Variants in EXO1 observed in about 807,000 individuals in gnomAD.
EXO1 encodes the protein exonuclease 1.
EXO1 carries 69 observed loss-of-function variants against 84.5 expected under a neutral mutation model. The ratio of observed to expected loss-of-function variants is 0.82; its 90% CI spans 0.67 to 1.00. EXO1 has a LOEUF of 1.00. Ranked by LOEUF, EXO1 falls within the 50% of genes least tolerant of loss-of-function variation. The probability of loss-of-function intolerance (pLI) is 0.00; values close to 1 mark genes in which losing one functional copy is unlikely to be tolerated. For missense variants in EXO1, 1,045 were observed against 1,000.7 expected (o/e 1.04, Z -0.60); for synonymous variants, 373 against 366.1 (o/e 1.02, Z -0.21).
chr1:241,855,731 A>C (rs1306139282), intron 6 of EXO1, among the ~76,000 whole-genome samples: 1 of 152,228 alleles, frequency 6.6e-6, no homozygotes, highest in Admixed American at 6.5e-5. Context: ...CCCCGCAGGA[A>C]GGCAGCTAAG....
In EXO1 at chr1:241,879,008, A is replaced by C. The variant is rs1024995372; in HGVS notation, c.1774A>C (p.Lys592Gln). 2 of 1,614,206 alleles carry C rather than the reference A, an allele frequency of 1.2e-6. No individual in the cohort carries two copies. The highest frequency in any genetic ancestry group is 2.7e-5 in the African/African-American group (2 of 75,050). ...DEESYSFESS[K>Q]FTRTISPPTL... ...AGAGTCCTACTCTTTTGAGAGCAGC[A>C]AATTTACAAGGACCATTTCACCACC... The change falls in exon 13 of 16, where the codon AAA (lysine) becomes CAA (glutamine). Residue 592 changes from lysine to glutamine, a missense_variant. Transcript: ENST00000366548.
intron 6 of EXO1, 97 bp from the exon 7 acceptor site, chr1:241,857,248 G>T (rs1661105844): frequency 1.8e-6 from 2 of 1,128,926 alleles, no homozygotes; most frequent in Admixed American, 1.8e-5. Context: ...ATTAGCATGT[G>T]CCTGCTGAGG....
At chr1:241,861,630 A>G in intron 10 of EXO1, 128 bp downstream of exon 10, 2 of 695,668 alleles carry the variant, frequency 2.9e-6, no homozygotes, top group East Asian at 2.6e-5. Flanking sequence ...CAGAATGTAC[A>G]TTAAAAACAA....
intron 10 of EXO1, among the ~76,000 whole-genome samples, chr1:241,865,075 G>T (rs1661632470): frequency 6.7e-6 from 1 of 150,290 alleles, no homozygotes; most frequent in Admixed American, 6.6e-5. Flanking sequence ...TCACTATGTT[G>T]CCCAGGCTAG....
chr1:241,874,729 A>G (rs1164040061), intron 12 of EXO1, among the ~76,000 whole-genome samples: 1 of 152,244 alleles, frequency 6.6e-6, no homozygotes, highest in Non-Finnish European at 1.5e-5. Flanking sequence ...GGGACTAACA[A>G]TTATAACAGC....
chr1:241,853,882 C>G (rs565110449), intron 6 of EXO1, among the ~76,000 whole-genome samples: 1 of 152,214 alleles, frequency 6.6e-6, no homozygotes, highest in South Asian at 2.1e-4. Context: ...ATGGAAGGAA[C>G]AAATTCCTGG....
At chr1:241,866,540 C>T (rs1661739681) in intron 10 of EXO1, among the ~76,000 whole-genome samples, 2 of 140,864 alleles carry the variant, frequency 1.4e-5, no homozygotes, top group Admixed American at 7.1e-5. Flanking sequence ...TCTTTTTTTT[C>T]TACAGCTGCT....
At chr1:241,889,130 C>T (rs1460338481) in intron 15 of EXO1, among the ~76,000 whole-genome samples, 2 of 152,038 alleles carry the variant, frequency 1.3e-5, no homozygotes, top group East Asian at 3.9e-4. Context: ...TCCTGCTTCA[C>T]TTATATTAGT....
intron 11 of EXO1, 98 bp from the exon 12 acceptor site, chr1:241,871,934 T>G: frequency 1.4e-6 from 1 of 732,908 alleles, no homozygotes; most frequent in Non-Finnish European, 2.2e-6. Context: ...TTTTTTAAAG[T>G]CCTTATTTTT....
intron 10 of EXO1, among the ~76,000 whole-genome samples, chr1:241,862,572 C>T (rs1414538270): frequency 2.0e-5 from 3 of 152,224 alleles, no homozygotes; most frequent in African/African-American, 7.2e-5. Flanking sequence ...TTATTTCCTA[C>T]TTAGCACTTA....
chr1:241,872,504 A>G (rs1464122360), intron 12 of EXO1, among the ~76,000 whole-genome samples: 1 of 152,042 alleles, frequency 6.6e-6, no homozygotes, highest in Non-Finnish European at 1.5e-5. Flanking sequence ...TCCCTCCCCT[A>G]GCCCCCTACC....
rs545779220 is a variant in EXO1 at position 241,860,313 on chromosome 1, T to C, written c.757-204T>C. Among the ~76,000 whole-genome samples, 4 of 152,136 alleles carry C rather than the reference T, an allele frequency of 2.6e-5. No individual in the cohort carries two copies. In the East Asian group the frequency reaches 7.7e-4, roughly 29 times the overall value. ...ATTTTTTTATCCTTCAAATTAGTAA[T>C]AGAAAAACCAAAGAAAATACTAGTT... is the stretch of plus-strand genomic sequence containing the variant. On this transcript the variant is annotated intron_variant, in intron 8 of 15. Transcript: ENST00000366548.
chr1:241,857,789 T>A (rs1230956773), intron 7 of EXO1, among the ~76,000 whole-genome samples: 3 of 152,150 alleles, frequency 2.0e-5, no homozygotes, highest in Non-Finnish European at 4.4e-5. Context: ...TTTATGCAGA[T>A]TCTTTAGTAG....
At chr1:241,884,003 C>A (rs1234259085) in intron 14 of EXO1, among the ~76,000 whole-genome samples, 2 of 152,068 alleles carry the variant, frequency 1.3e-5, no homozygotes, top group Non-Finnish European at 2.9e-5. Context: ...TCCCTGATAC[C>A]CATCTTTAAT....
chr1:241,858,658 G>A lies in EXO1; in HGVS notation c.696G>A (p.Gly232=). The change falls in exon 8 of 16, where the codon GGG becomes GGA. Residue 232 remains glycine (G), a synonymous_variant. Coordinates refer to ENST00000366548, the MANE Select transcript of EXO1 (RefSeq NM_130398.4). The part of the protein sequence containing the change: ...SGCDYLSSLR[G]IGLAKACKVL... The stretch of plus-strand genomic sequence containing the variant: ...GTGACTACCTGTCATCACTGCGTGG[G>A]ATTGGATTAGCAAAGGCATGCAAAG... 6.2e-7 allele frequency: 1 copy of A among 1,614,096 alleles called. No homozygotes were observed. Among genetic ancestry groups the A allele is most frequent in the South Asian group, 1.1e-5 (1 of 91,072 alleles).
chr1:241,863,114 A>G (rs1474413317), intron 10 of EXO1, among the ~76,000 whole-genome samples: 3 of 152,192 alleles, frequency 2.0e-5, no homozygotes, highest in African/African-American at 7.2e-5. Flanking sequence ...ATGCTTCCTA[A>G]TAATAATGGC....
At chr1:241,881,028 G>T (rs1776150) in intron 13 of EXO1, among the ~76,000 whole-genome samples, 147,886 of 152,136 alleles carry the variant, frequency 0.97, 72,022 homozygotes, top group South Asian at 1. Context: ...TTGCTCTTTT[G>T]TTTTGTTTTG....
intron 11 of EXO1, 38 bp downstream of exon 11, chr1:241,867,093 G>C (rs1376872054): frequency 2.1e-6 from 3 of 1,426,148 alleles, no homozygotes; most frequent in South Asian, 2.3e-5. Flanking sequence ...GGTGAATATT[G>C]GTCATATTTA....
chr1:241,889,637 TC>T lies in EXO1; in HGVS notation c.*38del. 6.2e-7 allele frequency: 1 copy of T among 1,610,166 alleles called. No homozygotes were observed. The highest frequency in any genetic ancestry group is 1.1e-5 in the South Asian group (1 of 91,014). ...TGCAAAGCTTTTGCCTGCAAGAGAA[TC>T]TGATCAATTTGAAGTCCCTGTTTGG... On this transcript the variant is annotated 3_prime_UTR_variant, in exon 16 of 16. Transcript: ENST00000366548.
Sources: gnomAD v4.1 joint callset for allele counts (sites outside exome capture counted in the v4.1 genomes callset) on GRCh38, gnomAD v4.1.1 for gene constraint, MANE v1.5 for transcripts, NCBI Gene and HGNC (gene_info 2026-07-23, HGNC 2026-07-21) for gene names.